LAMC3: variants seen among roughly 807,000 people sequenced by gnomAD.
The protein encoded by LAMC3 is laminin subunit gamma-3.
In LAMC3, 128 loss-of-function variants were observed where a neutral mutation model predicts 173.8. The ratio of observed to expected loss-of-function variants is 0.74; its 90% CI spans 0.64 to 0.85. The LOEUF is 0.85. LAMC3 is among the 40% of genes least tolerant of loss of function. The pLI is 0.00. For missense variants in LAMC3, 2,022 were observed against 2,156.0 expected (o/e 0.94, Z 1.23); for synonymous variants, 897 against 909.1 (o/e 0.99, Z 0.24).
chr9:131,071,694 C>T (rs897234012), intron 18 of LAMC3, 69 bp downstream of exon 18: 14 of 1,466,480 alleles, frequency 9.5e-6, no homozygotes, highest in South Asian at 4.2e-5. Flanking sequence ...AGTCTGGTGT[C>T]GTTGGATGCT....
At chr9:131,057,853 A>G (rs1043160969) in intron 12 of LAMC3, among the ~76,000 whole-genome samples, 1 of 152,256 alleles carries the variant, frequency 6.6e-6, no homozygotes, top group African/African-American at 2.4e-5. Flanking sequence ...TCTACTTTTC[A>G]GGACACTTGG....
At chr9:131,045,153 C>T (rs142340870) in intron 7 of LAMC3, among the ~76,000 whole-genome samples, 3,082 of 146,310 alleles carry the variant, frequency 0.021, 119 homozygotes, top group African/African-American at 0.074. Context: ...ACCCGGGAGG[C>T]GGAGGCTGCA....
At chr9:131,046,544 T>C (rs1834165406) in intron 8 of LAMC3, among the ~76,000 whole-genome samples, 1 of 131,164 alleles carries the variant, frequency 7.6e-6, no homozygotes, top group South Asian at 2.6e-4. Context: ...TTTTTTTTTT[T>C]GTACAGACGG....
rs147904510 is a variant in LAMC3 at position 131,067,439 on chromosome 9, G to A, written c.2593+234G>A. ...CGGGAGATCTTATAAACTCTGATCC[G>A]AAGCCTGGATTGTCTAGTGCTTACC... is the stretch of plus-strand genomic sequence containing the variant. On this transcript the variant is annotated intron_variant, in intron 14 of 27. Transcript: ENST00000361069. Among the ~76,000 whole-genome samples, 169 of 152,282 alleles carry A rather than the reference G, an allele frequency of 1.1e-3. 2 individuals carry two copies. In the East Asian group the frequency reaches 0.024, roughly 22 times the overall value.
chr9:131,021,916 G>T (rs1000420391), intron 1 of LAMC3, among the ~76,000 whole-genome samples: 6 of 152,170 alleles, frequency 3.9e-5, no homozygotes, highest in African/African-American at 1.4e-4. Flanking sequence ...GAGCTTCCAT[G>T]CCCTCCCTGG....
intron 1 of LAMC3, among the ~76,000 whole-genome samples, chr9:131,023,694 A>G (rs1394092536): frequency 1.3e-5 from 2 of 152,056 alleles, no homozygotes; most frequent in African/African-American, 2.4e-5. Flanking sequence ...TGTAGCCTCT[A>G]ATTCCTAGGC....
intron 22 of LAMC3, among the ~76,000 whole-genome samples, chr9:131,078,099 C>T (rs535906826): frequency 1.4e-4 from 21 of 152,332 alleles, no homozygotes; most frequent in African/African-American, 4.6e-4. Flanking sequence ...GCCGACCCCT[C>T]TGTGCTCATC....
intron 1 of LAMC3, among the ~76,000 whole-genome samples, chr9:131,018,590 T>C: frequency 6.6e-6 from 1 of 152,158 alleles, no homozygotes; most frequent in East Asian, 1.9e-4. Flanking sequence ...TGTTAGCTGG[T>C]GGTGACACTG....
Position 131,036,245 on chromosome 9 carries a change from A to G in LAMC3, c.889A>G (p.Thr297Ala). ...GGCCTGCCGGTGCCAGCACAACACC[A>G]CCGGCACAGACTGTGAGCGCTGCCT... Reference protein sequence around the residue: ...QLACRCQHNTTGTDCERCLPF... With the variant: ...QLACRCQHNTAGTDCERCLPF... The change falls in exon 4 of 28, where the codon ACC (threonine) becomes GCC (alanine). Residue 297 changes from threonine to alanine, a missense_variant. Transcript: ENST00000361069. The G allele has an allele frequency of 6.2e-7, 1 of 1,613,070 alleles. No homozygotes were observed. The highest frequency in any genetic ancestry group is 8.5e-7 in the Non-Finnish European group (1 of 1,179,832).
At position 131,068,963 on chromosome 9, in the gene LAMC3, C is replaced by A. The variant is rs1428414298; in HGVS notation, c.2803C>A (p.Gln935Lys). 6.2e-7 allele frequency: 1 copy of A among 1,614,106 alleles called. No homozygotes were observed. Among genetic ancestry groups the A allele is most frequent in the Non-Finnish European group, 8.5e-7 (1 of 1,180,014 alleles). ...GGACCAGTGCCATCCCAAGACTGGA[C>A]AGTGCACCTGCCGCCCAGGTGTCAC... The part of the protein sequence containing the change: ...QEDQCHPKTG[Q>K]CTCRPGVTGQ... The change falls in exon 16 of 28, where the codon CAG becomes AAG. Residue 935 changes from glutamine (Q) to lysine (K), a missense_variant. Coordinates refer to ENST00000361069, the MANE Select transcript of LAMC3 (RefSeq NM_006059.4).
chr9:131,042,873 A>G (rs1473034935), intron 7 of LAMC3, among the ~76,000 whole-genome samples: 3 of 141,736 alleles, frequency 2.1e-5, no homozygotes, highest in African/African-American at 5.3e-5. Flanking sequence ...CACTATCACA[A>G]CCCTCCCCTT....
chr9:131,015,126 T>G (rs933236957), intron 1 of LAMC3, among the ~76,000 whole-genome samples: 1 of 152,208 alleles, frequency 6.6e-6, no homozygotes, highest in East Asian at 1.9e-4. Context: ...ACTTGCCCAG[T>G]GAACCCGAGG....
At chr9:131,037,918 T>C (rs1370359934) in intron 4 of LAMC3, among the ~76,000 whole-genome samples, 1 of 152,220 alleles carries the variant, frequency 6.6e-6, no homozygotes, top group Admixed American at 6.5e-5. Context: ...CAAGCTCTGC[T>C]AGCCTCTGAC....
chr9:131,018,228 A>G (rs2133212340), intron 1 of LAMC3, among the ~76,000 whole-genome samples: 1 of 149,082 alleles, frequency 6.7e-6, no homozygotes, highest in Admixed American at 6.7e-5. Flanking sequence ...TCTGCCTCCT[A>G]CGTTCGAGCG....
intron 11 of LAMC3, among the ~76,000 whole-genome samples, chr9:131,056,197 C>G (rs1462818003): frequency 6.6e-6 from 1 of 151,742 alleles, no homozygotes; most frequent in Admixed American, 6.6e-5. Flanking sequence ...TTCTGTCTCT[C>G]TTAAAAACAA....
At chr9:131,042,287 T>A (rs1465844136) in intron 7 of LAMC3, among the ~76,000 whole-genome samples, 5 of 151,684 alleles carry the variant, frequency 3.3e-5, no homozygotes, top group Admixed American at 6.6e-5. Context: ...ACGGCAGACC[T>A]ATCACAGCCC....
At position 131,032,164 on chromosome 9, in the gene LAMC3, T is replaced by C; in HGVS notation, c.798T>C (p.Ser266=). The C allele has an allele frequency of 6.4e-7, 1 of 1,570,634 alleles. No individual in the cohort carries two copies. The highest frequency in any genetic ancestry group is 1.4e-5 in the African/African-American group (1 of 72,226). The change falls in exon 3 of 28, where the codon TCT becomes TCC. Residue 266 remains serine (S), a synonymous_variant. Coordinates refer to ENST00000361069, the MANE Select transcript of LAMC3 (RefSeq NM_006059.4). The part of the protein sequence containing the change: ...QSYYYAVSDF[S]VGGRCKCNGH... ...ACTATTATGCCGTGTCCGACTTCTC[T>C]GTGGGCGGCAGGTAGGAGGGAGGAG... is the stretch of plus-strand genomic sequence containing the variant.
At chr9:131,040,911 T>C (rs1189773616) in intron 6 of LAMC3, among the ~76,000 whole-genome samples, 1 of 152,184 alleles carries the variant, frequency 6.6e-6, no homozygotes, top group Non-Finnish European at 1.5e-5. Flanking sequence ...TACACCAGAC[T>C]GGGATTCACC....
At chr9:131,012,696 G>A (rs1833443453) in intron 1 of LAMC3, among the ~76,000 whole-genome samples, 1 of 152,182 alleles carries the variant, frequency 6.6e-6, no homozygotes, top group Non-Finnish European at 1.5e-5. Flanking sequence ...CCCTGTGGAG[G>A]CCGTCTGATG....
Sources: allele counts gnomAD v4.1 joint callset (sites outside exome capture counted in the v4.1 genomes callset), GRCh38; gene constraint gnomAD v4.1.1; transcripts MANE v1.5; gene names NCBI Gene and HGNC (gene_info 2026-07-23, HGNC 2026-07-21).